The following PLD5 variants were observed in gnomAD, a reference collection of about 807,000 sequenced individuals.
PLD5 encodes the protein phospholipase D family member 5.
PLD5 carries 36 observed loss-of-function variants against 61.1 expected under a neutral mutation model. That is an observed-to-expected ratio of 0.59 (90% CI 0.45 to 0.78). The LOEUF is 0.78. Ranked by LOEUF, PLD5 falls within the 30% of genes least tolerant of loss-of-function variation. The pLI is 0.00. For missense variants in PLD5, 515 were observed against 644.4 expected (o/e 0.80, Z 2.17); for synonymous variants, 243 against 242.8 (o/e 1.00, Z -0.01).
chr1:242,527,416 G>T (rs1386112988), upstream of PLD5, among the ~76,000 whole-genome samples: 2 of 152,116 alleles, frequency 1.3e-5, no homozygotes, highest in East Asian at 1.9e-4. Context: ...GATTACAGGC[G>T]TGAGCCACCG....
At chr1:242,524,015 T>C in intron 1 of PLD5, 73 bp downstream of exon 1, 1 of 1,440,274 alleles carries the variant, frequency 6.9e-7, no homozygotes, top group Non-Finnish European at 9.2e-7. Flanking sequence ...CCGCGCGCGC[T>C]CATGCCACCA....
chr1:242,260,923 T>G (rs561339631), intron 4 of PLD5, among the ~76,000 whole-genome samples: 1 of 152,340 alleles, frequency 6.6e-6, no homozygotes, highest in African/African-American at 2.4e-5. Context: ...TATTGTAGCT[T>G]TGCTATAGGC....
chr1:242,329,307 G>A (rs929933124), intron 2 of PLD5, among the ~76,000 whole-genome samples: 7 of 152,170 alleles, frequency 4.6e-5, no homozygotes, highest in African/African-American at 1.7e-4. Flanking sequence ...ACTGTGCTCA[G>A]CCTTTTTCAT....
chr1:242,366,794 G>C (rs561355057), intron 1 of PLD5, among the ~76,000 whole-genome samples: 2 of 151,958 alleles, frequency 1.3e-5, no homozygotes, highest in Non-Finnish European at 2.9e-5. Context: ...TGGCAGACAT[G>C]TTCAATAAAT....
chr1:242,351,736 C>T (rs1197349572), intron 1 of PLD5, among the ~76,000 whole-genome samples: 1 of 152,160 alleles, frequency 6.6e-6, no homozygotes, highest in Non-Finnish European at 1.5e-5. Context: ...TCTCTCAAAA[C>T]TCATTTGTGA....
At chr1:242,383,288 T>C (rs1662407913) in intron 1 of PLD5, among the ~76,000 whole-genome samples, 1 of 152,198 alleles carries the variant, frequency 6.6e-6, no homozygotes, top group South Asian at 2.1e-4. Context: ...GACACACGTA[T>C]ACAAAGTGTA....
In PLD5 at chr1:242,475,047, A is replaced by G. The variant is rs1254339056; in HGVS notation, c.189+49041T>C. ...TAGTGCCTGGCAAAACCAGTAGTCAAGAAATAAATGCTGCATTGAAAGGCT... is the reference window on the plus strand; with the variant it reads ...TAGTGCCTGGCAAAACCAGTAGTCAGGAAATAAATGCTGCATTGAAAGGCT... On this transcript the variant is annotated intron_variant, in intron 1 of 9. Transcript: ENST00000536534. Among the ~76,000 whole-genome samples the G allele has an allele frequency of 3.3e-5, 5 of 152,350 alleles. 2 individuals carry two copies. The South Asian group carries it at 1.0e-3, about 32-fold the overall frequency.
intron 9 of PLD5, among the ~76,000 whole-genome samples, chr1:242,093,840 G>C (rs1347263213): frequency 2.0e-5 from 3 of 152,086 alleles, no homozygotes. Flanking sequence ...ATGATGGAGA[G>C]AGGTGACAAG....
At chr1:242,187,222 C>G (rs1667964237) in intron 5 of PLD5, among the ~76,000 whole-genome samples, 1 of 152,116 alleles carries the variant, frequency 6.6e-6, no homozygotes, top group Admixed American at 6.6e-5. Flanking sequence ...GTGTCTTCTC[C>G]CTCTTGTATC....
At chr1:242,330,553 A>G (rs1475392915) in intron 2 of PLD5, among the ~76,000 whole-genome samples, 1 of 152,190 alleles carries the variant, frequency 6.6e-6, no homozygotes, top group Non-Finnish European at 1.5e-5. Context: ...TTCTTAACTC[A>G]CTGATCTCTC....
rs1194222946 is a variant in PLD5 at position 242,207,896 on chromosome 1, TTA to T, written c.735+12090_735+12091del. On this transcript the variant is annotated intron_variant, in intron 5 of 9. Transcript: ENST00000536534. ...TATATATTTATATATTTATATATAT[TTA>T]TATATTTATATATATTTATATATTT... Among the ~76,000 whole-genome samples, 9 of 7,622 alleles carry T rather than the reference TTA, an allele frequency of 1.2e-3. 1 individual carries two copies. Among genetic ancestry groups the T allele is most frequent in the African/African-American group, 1.3e-3 (2 of 1,492 alleles). The allele number at this position is 7,622 out of a possible 152,430, so 5.0% of individuals were successfully genotyped here.
chr1:242,351,208 A>G (rs1660459948), intron 1 of PLD5, among the ~76,000 whole-genome samples: 1 of 152,022 alleles, frequency 6.6e-6, no homozygotes, highest in Non-Finnish European at 1.5e-5. Context: ...GCCCTGTTTT[A>G]TTCTTTCTAT....
At chr1:242,252,211 A>T (rs966454860) in intron 4 of PLD5, among the ~76,000 whole-genome samples, 7 of 152,262 alleles carry the variant, frequency 4.6e-5, no homozygotes, top group African/African-American at 1.7e-4. Flanking sequence ...GCCATGGCCA[A>T]GGTTCATGCT....
chr1:242,246,301 G>A (rs762637045), intron 4 of PLD5, among the ~76,000 whole-genome samples: 7 of 152,160 alleles, frequency 4.6e-5, no homozygotes, highest in African/African-American at 9.6e-5. Flanking sequence ...AGGAATTCAC[G>A]GCTGCAGTGG....
At chr1:242,213,621 G>A (rs10926646) in intron 5 of PLD5, among the ~76,000 whole-genome samples, 9,438 of 151,602 alleles carry the variant, frequency 0.062, 998 homozygotes, top group African/African-American at 0.21. Context: ...TAGGCATTCC[G>A]ACTTATAAGC....
chr1:242,473,539 G>GT (rs1277801678), intron 1 of PLD5, among the ~76,000 whole-genome samples: 4 of 152,152 alleles, frequency 2.6e-5, no homozygotes, highest in Non-Finnish European at 5.9e-5. Flanking sequence ...CTAAACATGA[G>GT]TATAGGTATG....
At chr1:242,478,177 T>G (rs1161726438) in intron 1 of PLD5, among the ~76,000 whole-genome samples, 1 of 152,186 alleles carries the variant, frequency 6.6e-6, no homozygotes. Flanking sequence ...TCTGGAGATA[T>G]TCAAGGCTAG....
intron 4 of PLD5, among the ~76,000 whole-genome samples, chr1:242,259,922 A>G (rs535174212): frequency 1.3e-5 from 2 of 152,366 alleles, no homozygotes; most frequent in African/African-American, 4.8e-5. Context: ...TAGGACTAGA[A>G]TATACAACCA....
chr1:242,343,248 G>A (rs1430813372), intron 2 of PLD5, among the ~76,000 whole-genome samples: 9 of 151,900 alleles, frequency 5.9e-5, no homozygotes, highest in Non-Finnish European at 8.8e-5. Flanking sequence ...GGAGTTTAAC[G>A]ATAAAGTAAT....
Sources: gnomAD v4.1 joint callset for allele counts (sites outside exome capture counted in the v4.1 genomes callset) on GRCh38, gnomAD v4.1.1 for gene constraint, MANE v1.5 for transcripts, NCBI Gene and HGNC (gene_info 2026-07-23, HGNC 2026-07-21) for gene names.